Variants in RNF114 observed in about 807,000 individuals in gnomAD.
RNF114 encodes the protein E3 ubiquitin-protein ligase RNF114.
A neutral mutation model predicts 28.4 loss-of-function variants in RNF114; 6 were observed. The observed-to-expected ratio is 0.21, with a 90% confidence interval of 0.12 to 0.42. The LOEUF is 0.42. RNF114 is among the 10% of genes least tolerant of loss of function. RNF114 has a pLI of 1.00. For missense variants in RNF114, 249 were observed against 311.7 expected (o/e 0.80, Z 1.51); for synonymous variants, 115 against 116.7 (o/e 0.99, Z 0.09).
intron 5 of RNF114, 27 bp downstream of exon 5, chr20:49,949,382 C>T: frequency 6.3e-7 from 1 of 1,581,388 alleles, no homozygotes; most frequent in Non-Finnish European, 8.7e-7. Context: ...GGCTCTGATC[C>T]CTCCCCTGGG....
At chr20:49,944,022 C>T (rs2090319142) in intron 2 of RNF114, 1 of 151,334 alleles carries the variant, frequency 6.6e-6, no homozygotes. Flanking sequence ...GCCATTGCAC[C>T]CGGTCTCTTC....
intron 1 of RNF114, chr20:49,941,199 T>C (rs1269460448): frequency 1.1e-5 from 2 of 176,630 alleles, no homozygotes; most frequent in African/African-American, 4.7e-5. Context: ...ATACAAACTG[T>C]ATCCTCCCAG....
chr20:49,941,411 TGGC>T, intron 1 of RNF114, 147 bp from the exon 2 acceptor site: 1 of 797,848 alleles, frequency 1.3e-6, no homozygotes, highest in Non-Finnish European at 1.9e-6. Context: ...TCATTTTTTC[TGGC>T]TTGGAAGGAC....
intron 1 of RNF114, among the ~76,000 whole-genome samples, chr20:49,937,752 A>C (rs2090293340): frequency 6.6e-6 from 1 of 151,422 alleles, no homozygotes; most frequent in South Asian, 2.1e-4. Context: ...ACCAAATACC[A>C]TCCCCATCTA....
chr20:49,951,773 G>C (rs564030915), intron 5 of RNF114, among the ~76,000 whole-genome samples: 3 of 152,230 alleles, frequency 2.0e-5, no homozygotes, highest in Non-Finnish European at 4.4e-5. Flanking sequence ...CAGCTACTCG[G>C]GAGGCTGAGG....
At position 49,936,462 on chromosome 20, in the gene RNF114, C is replaced by G; in HGVS notation, c.50C>G (p.Pro17Arg). The G allele has an allele frequency of 6.5e-7, 1 of 1,549,832 alleles. No homozygotes were observed. The highest frequency in any genetic ancestry group is 8.7e-7 in the Non-Finnish European group (1 of 1,148,948). The change falls in exon 1 of 6, where the codon CCG (proline) becomes CGG (arginine). Residue 17 changes from proline to arginine, a missense_variant. This residue lies in a region of RNF114 where 123 missense variants were observed against 106.4 expected (regional missense o/e 1.16). Transcript: ENST00000244061. ...GGGGGTGCTGCGCAGCTGGCGGGGC[C>G]GGCGGCGGAGGCTGACCCCCTAGGA... ...DCGGAAQLAGPAAEADPLGRF... is the reference protein window; with the variant it reads ...DCGGAAQLAGRAAEADPLGRF...
intron 4 of RNF114, 108 bp downstream of exon 4, chr20:49,946,358 T>C (rs1362081059): frequency 6.6e-6 from 4 of 609,214 alleles, no homozygotes; most frequent in East Asian, 2.8e-5. Context: ...TTCACCTAGA[T>C]TGACAGATTG....
Position 49,952,383 on chromosome 20 carries a change from T to C in RNF114, c.*242T>C. ...TGTTTGTCACACGGTCGAGTTCGTA[T>C]TGGTTCTCGGCTACTTCCTGGAGCT... On this transcript the variant is annotated 3_prime_UTR_variant, in exon 6 of 6. Transcript: ENST00000244061. 3 of 552,732 alleles carry C rather than the reference T, an allele frequency of 5.4e-6. No individual in the cohort carries two copies. The highest frequency in any genetic ancestry group is 3.3e-6 in the Non-Finnish European group (1 of 307,438). The allele number at this position is 552,732 out of a possible 1,614,324, so 34.2% of individuals were successfully genotyped here. A position where few individuals can be genotyped will look rare whatever the true frequency, so the allele number is the denominator to read the frequency against.
At chr20:49,936,602 A>G (rs2090287393) in intron 1 of RNF114, 50 bp downstream of exon 1, 2 of 1,560,398 alleles carry the variant, frequency 1.3e-6, no homozygotes, top group Non-Finnish European at 1.7e-6. Context: ...TGGGAAGGGA[A>G]TGGAGCCGAG....
intron 1 of RNF114, among the ~76,000 whole-genome samples, chr20:49,940,924 T>C (rs184331686): frequency 3.4e-4 from 52 of 151,650 alleles, no homozygotes; most frequent in African/African-American, 1.2e-3. Flanking sequence ...GTATTTTTAG[T>C]AGAGACGGGT....
rs914673658 is a variant in RNF114, at chr20:49,952,548, G to A, written c.*407G>A. The A allele has an allele frequency of 3.1e-6, 1 of 320,730 alleles. No individual in the cohort carries two copies. The highest frequency in any genetic ancestry group is 1.0e-4 in the South Asian group (1 of 9,732). 19.9% of individuals were successfully genotyped at this position (320,730 alleles called of 1,614,324 possible). A position where few individuals can be genotyped will look rare whatever the true frequency, so the allele number is the denominator to read the frequency against. On this transcript the variant is annotated 3_prime_UTR_variant, in exon 6 of 6. Transcript: ENST00000244061. ...TCATGAATAGCACAATGAAGCAAGT[G>A]TCTCCTTTCCTTGTCCCCAAGGTGT...
chr20:49,944,511 T>A (rs551841713), intron 2 of RNF114: 1 of 152,364 alleles, frequency 6.6e-6, no homozygotes, highest in East Asian at 1.9e-4. Flanking sequence ...TCTTTCTTTT[T>A]AGAAAACCTG....
chr20:49,952,380 G>T lies in RNF114; in HGVS notation c.*239G>T. ...CCTTGTTTGTCACACGGTCGAGTTC[G>T]TATTGGTTCTCGGCTACTTCCTGGA... On this transcript the variant is annotated 3_prime_UTR_variant, in exon 6 of 6. Coordinates refer to ENST00000244061, the MANE Select transcript of RNF114 (RefSeq NM_018683.4). The T allele has an allele frequency of 3.6e-6, 2 of 550,346 alleles. No individual in the cohort carries two copies. Among genetic ancestry groups the T allele is most frequent in the East Asian group, 2.9e-5 (1 of 35,064 alleles). 34.1% of individuals were successfully genotyped at this position (550,346 alleles called of 1,614,324 possible).
chr20:49,940,646 C>T (rs1006346842), intron 1 of RNF114, among the ~76,000 whole-genome samples: 4 of 151,928 alleles, frequency 2.6e-5, no homozygotes, highest in Non-Finnish European at 5.9e-5. Flanking sequence ...ATCTCCTGAC[C>T]TTGTGATCTG....
At chr20:49,948,635 A>T (rs1411411643) in intron 4 of RNF114, among the ~76,000 whole-genome samples, 1 of 151,944 alleles carries the variant, frequency 6.6e-6, no homozygotes, top group Non-Finnish European at 1.5e-5. Flanking sequence ...AAGATGTTTC[A>T]CTATGTTGGC....
chr20:49,945,961 C>T (rs369329708), intron 3 of RNF114, among the ~76,000 whole-genome samples, 175 bp from the exon 4 acceptor site: 7 of 152,220 alleles, frequency 4.6e-5, no homozygotes, highest in East Asian at 1.9e-4. Flanking sequence ...CCACCACGCC[C>T]GGCCAGCTGA....
intron 5 of RNF114, among the ~76,000 whole-genome samples, 173 bp downstream of exon 5, chr20:49,949,528 A>C (rs73129298): frequency 0.091 from 13,845 of 152,268 alleles, 670 homozygotes; most frequent in African/African-American, 0.12. Flanking sequence ...AGAGAAAAGA[A>C]GACTGAGTGG....
chr20:49,946,962 G>A (rs1407624825), intron 4 of RNF114, among the ~76,000 whole-genome samples: 1 of 151,510 alleles, frequency 6.6e-6, no homozygotes, highest in Non-Finnish European at 1.5e-5. Flanking sequence ...GCTCACACCT[G>A]TAATCCCAGC....
intron 5 of RNF114, among the ~76,000 whole-genome samples, chr20:49,950,166 C>T (rs931363577): frequency 3.3e-5 from 5 of 151,990 alleles, no homozygotes; most frequent in African/African-American, 1.2e-4. Flanking sequence ...GCAGGAGAAT[C>T]GCTTGAACCT....
Sources: gnomAD v4.1 joint callset for allele counts (sites outside exome capture counted in the v4.1 genomes callset) on GRCh38, gnomAD v4.1.1 for gene constraint, gnomAD v4.1.1 regional missense constraint, MANE v1.5 for transcripts, NCBI Gene and HGNC (gene_info 2026-07-23, HGNC 2026-07-21) for gene names.